Variants in BAG4 observed in about 807,000 individuals in gnomAD.
BAG4 encodes the protein BAG family molecular chaperone regulator 4.
A neutral mutation model predicts 52.1 loss-of-function variants in BAG4; 28 were observed. That is an observed-to-expected ratio of 0.54 (90% CI 0.40 to 0.74). The LOEUF is 0.74. Ranked by LOEUF, BAG4 falls within the 30% of genes least tolerant of loss-of-function variation. The pLI, the probability that BAG4 is intolerant of heterozygous loss-of-function variation, is 0.00. For synonymous variants in BAG4, 208 were observed against 217.0 expected, an observed-to-expected ratio of 0.96 and a Z score of 0.37; for missense variants, 525 against 572.0, an observed-to-expected ratio of 0.92 and a Z score of 0.84.
chr8:38,202,459 T>G (rs941089407), intron 2 of BAG4, among the ~76,000 whole-genome samples: 7 of 152,072 alleles, frequency 4.6e-5, no homozygotes, highest in Non-Finnish European at 7.4e-5. Context: ...AGAGAGGGGG[T>G]TGCCCCCGCT....
intron 1 of BAG4, among the ~76,000 whole-genome samples, chr8:38,187,577 T>A (rs1803384772): frequency 6.6e-6 from 1 of 152,124 alleles, no homozygotes. Context: ...TATAACAATA[T>A]AATGTTGAGT....
At chr8:38,184,511 A>G (rs1248473737) in intron 1 of BAG4, among the ~76,000 whole-genome samples, 1 of 150,904 alleles carries the variant, frequency 6.6e-6, no homozygotes, top group Non-Finnish European at 1.5e-5. Context: ...AAAAATATAA[A>G]AAGAACCTGG....
rs530758278 is a variant in BAG4, at chr8:38,202,483, T to C, written c.379-5029T>C. Among the ~76,000 whole-genome samples, 20 of 152,228 alleles carry C rather than the reference T, an allele frequency of 1.3e-4. 1 individual carries two copies. In the East Asian group the frequency reaches 3.9e-3, roughly 29 times the overall value. On this transcript the variant is annotated intron_variant, in intron 2 of 4. Transcript: ENST00000287322. ...GTTGCCCCCGCTTATCTTAAACTCT[T>C]TGAGTTTAAGCAGTCCACCTGCCTT...
At chr8:38,206,414 T>C (rs1432234918) in intron 2 of BAG4, among the ~76,000 whole-genome samples, 2 of 151,952 alleles carry the variant, frequency 1.3e-5, no homozygotes, top group African/African-American at 2.4e-5. Flanking sequence ...AGAGTCTGAA[T>C]AGGTTATTTA....
At chr8:38,178,351 C>T (rs1803205625) in intron 1 of BAG4, among the ~76,000 whole-genome samples, 1 of 152,286 alleles carries the variant, frequency 6.6e-6, no homozygotes, top group African/African-American at 2.4e-5. Flanking sequence ...GACGGGGTTT[C>T]GCCATGTTGG....
intron 2 of BAG4, among the ~76,000 whole-genome samples, chr8:38,195,971 T>C (rs1803554005): frequency 1.3e-5 from 2 of 152,244 alleles, no homozygotes; most frequent in African/African-American, 4.8e-5. Flanking sequence ...AGGATTTTTC[T>C]AACCAGACAT....
chr8:38,199,815 G>A (rs1166063392), intron 2 of BAG4, among the ~76,000 whole-genome samples: 2 of 151,978 alleles, frequency 1.3e-5, no homozygotes, highest in East Asian at 3.9e-4. Flanking sequence ...GAGCCACTGC[G>A]CCCAGCCCGA....
intron 1 of BAG4, among the ~76,000 whole-genome samples, chr8:38,190,798 C>G (rs1159236791): frequency 2.0e-5 from 3 of 147,050 alleles, no homozygotes; most frequent in African/African-American, 7.6e-5. Context: ...TGCTCTGTGG[C>G]CCAGGCTGGA....
rs1429130448 is a variant in BAG4 at position 38,207,639 on chromosome 8, T to C, written c.506T>C (p.Val169Ala). 1 of 1,614,078 alleles carries C rather than the reference T, an allele frequency of 6.2e-7. No individual in the cohort carries two copies. Among genetic ancestry groups the C allele is most frequent in the South Asian group, 1.1e-5 (1 of 91,064 alleles). ...ACTCAGACCAGTTACTCCACAGAAG[T>C]TCCAAGTACTTACCGTTCATCTGGC... ...GYTQTSYSTE[V>A]PSTYRSSGNS... Residue 169 changes from valine to alanine, a missense_variant, in exon 3 of 5, where the codon GTT becomes GCT. This residue lies in a region of BAG4 where 287 missense variants were observed against 266.1 expected (regional missense o/e 1.08). Transcript: ENST00000287322.
intron 1 of BAG4, among the ~76,000 whole-genome samples, chr8:38,178,702 A>C (rs1563278181): frequency 6.6e-6 from 1 of 152,284 alleles, no homozygotes; most frequent in Non-Finnish European, 1.5e-5. Context: ...TAAGTCAGTC[A>C]GAAAGACTGC....
chr8:38,176,887 C>T lies in BAG4; in HGVS notation c.18C>T (p.Arg6=). The part of the protein sequence containing the change: MSALR[R]SGYGPSDGPS... ...CGGATCCCATGTCGGCCCTGAGGCG[C>T]TCGGGCTACGGCCCCAGTGACGGTC... The change falls in exon 1 of 5, where the codon CGC becomes CGT. Residue 6 remains arginine (R), a synonymous_variant. Coordinates refer to ENST00000287322, the MANE Select transcript of BAG4 (RefSeq NM_004874.4). 1 of 1,540,862 alleles carries T rather than the reference C, an allele frequency of 6.5e-7. No homozygotes were observed. Among genetic ancestry groups the T allele is most frequent in the Non-Finnish European group, 8.8e-7 (1 of 1,142,246 alleles).
chr8:38,189,168 C>T (rs1803425451), intron 1 of BAG4, among the ~76,000 whole-genome samples: 1 of 152,098 alleles, frequency 6.6e-6, no homozygotes, highest in African/African-American at 2.4e-5. Flanking sequence ...CGGTCTTGAA[C>T]TCCTGACCTC....
rs569766768 is a variant in BAG4 at position 38,190,370 on chromosome 8, A to T, written c.271-2318A>T. Among the ~76,000 whole-genome samples, 15 of 152,292 alleles carry T rather than the reference A, an allele frequency of 9.8e-5. No individual in the cohort carries two copies. The South Asian group carries it at 2.9e-3, about 29-fold the overall frequency. ...GGTACCACTAAAGATGTCCATTCAG[A>T]AAACTGTTCAAGAATTATTTGAATT... On this transcript the variant is annotated intron_variant, in intron 1 of 4. Transcript: ENST00000287322.
chr8:38,181,786 T>C (rs1287142812), intron 1 of BAG4, among the ~76,000 whole-genome samples: 2 of 147,368 alleles, frequency 1.4e-5, no homozygotes, highest in Admixed American at 7.0e-5. Context: ...GCGCCTGTAA[T>C]TGCAGCTAGT....
rs761399465 is a variant in BAG4, at chr8:38,176,896, C to A, written c.27C>A (p.Tyr9Ter). ...TGTCGGCCCTGAGGCGCTCGGGCTA[C>A]GGCCCCAGTGACGGTCCGTCCTACG... MSALRRSG[Y>*]GPSDGPSYGR... The change falls in exon 1 of 5, where the codon TAC (tyrosine) becomes TAA (stop). Residue 9 changes from tyrosine to a stop codon, truncating the protein, a stop_gained. Coordinates refer to ENST00000287322, the MANE Select transcript of BAG4 (RefSeq NM_004874.4). LOFTEE classifies it high-confidence loss of function. 1.3e-6 allele frequency: 2 copies of A among 1,545,032 alleles called. No homozygotes were observed. Among genetic ancestry groups the A allele is most frequent in the Non-Finnish European group, 8.7e-7 (1 of 1,144,744 alleles).
chr8:38,186,249 C>CT (rs1330897171), intron 1 of BAG4, among the ~76,000 whole-genome samples: 1 of 152,118 alleles, frequency 6.6e-6, no homozygotes, highest in Non-Finnish European at 1.5e-5. Flanking sequence ...CTCCTTTACC[C>CT]TTGCTTTTCA....
intron 4 of BAG4, 79 bp downstream of exon 4, chr8:38,209,346 G>T: frequency 1.3e-6 from 2 of 1,568,698 alleles, no homozygotes; most frequent in Non-Finnish European, 1.7e-6. Flanking sequence ...TTCTGTACTG[G>T]TTTGTGTTAA....
chr8:38,203,869 C>T, intron 2 of BAG4: 1 of 153,312 alleles, frequency 6.5e-6, no homozygotes, highest in Non-Finnish European at 1.4e-5. Flanking sequence ...TGTGATAATA[C>T]TTATCGCAGA....
At chr8:38,195,969 T>C (rs1262029598) in intron 2 of BAG4, among the ~76,000 whole-genome samples, 1 of 152,220 alleles carries the variant, frequency 6.6e-6, no homozygotes, top group Non-Finnish European at 1.5e-5. Flanking sequence ...TCAGGATTTT[T>C]CTAACCAGAC....
Sources: gnomAD v4.1 joint callset for allele counts (sites outside exome capture counted in the v4.1 genomes callset) on GRCh38, gnomAD v4.1.1 for gene constraint, gnomAD v4.1.1 regional missense constraint, MANE v1.5 for transcripts, NCBI Gene and HGNC (gene_info 2026-07-23, HGNC 2026-07-21) for gene names.